Variants in ZNF350 observed in about 807,000 individuals in gnomAD.
The protein encoded by ZNF350 is zinc finger protein 350.
ZNF350 carries 5 observed loss-of-function variants against 13.1 expected under a neutral mutation model. That is an observed-to-expected ratio of 0.38 (90% confidence interval 0.20 to 0.80). The LOEUF is 0.80. Ranked by LOEUF, ZNF350 falls within the 30% of genes least tolerant of loss-of-function variation. ZNF350 has a pLI of 0.43. For synonymous variants in ZNF350, 199 were observed against 224.2 expected, an observed-to-expected ratio of 0.89 and a Z score of 1.00; for missense variants, 534 against 644.2, an observed-to-expected ratio of 0.83 and a Z score of 1.85.
intron 1 of ZNF350, among the ~76,000 whole-genome samples, chr19:51,979,237 C>T (rs980627727): frequency 2.6e-5 from 4 of 152,310 alleles, no homozygotes; most frequent in African/African-American, 9.6e-5. Flanking sequence ...ATTCCATGCT[C>T]TTGGCCATGT....
intron 1 of ZNF350, among the ~76,000 whole-genome samples, chr19:51,984,667 T>A (rs2086128428): frequency 6.6e-6 from 1 of 152,238 alleles, no homozygotes; most frequent in Non-Finnish European, 1.5e-5. Context: ...AAAACTGCTA[T>A]ATTTTACATA....
intron 2 of ZNF350, among the ~76,000 whole-genome samples, chr19:51,971,978 T>C (rs1004213103): frequency 6.6e-6 from 1 of 152,042 alleles, no homozygotes; most frequent in Non-Finnish European, 1.5e-5. Flanking sequence ...TATACATGTT[T>C]AAAAAAATTA....
intron 2 of ZNF350, among the ~76,000 whole-genome samples, chr19:51,971,798 G>A (rs1205771903): frequency 2.6e-5 from 4 of 152,034 alleles, no homozygotes; most frequent in African/African-American, 9.7e-5. Flanking sequence ...TTATTCCTGT[G>A]TTCACCCCAC....
At chr19:51,979,699 C>G (rs1014783050) in intron 1 of ZNF350, among the ~76,000 whole-genome samples, 1 of 152,204 alleles carries the variant, frequency 6.6e-6, no homozygotes, top group African/African-American at 2.4e-5. Context: ...GACCCAGTGT[C>G]TTGATCCACT....
chr19:51,972,216 C>G (rs556047570), intron 2 of ZNF350, among the ~76,000 whole-genome samples: 1 of 149,918 alleles, frequency 6.7e-6, no homozygotes, highest in Admixed American at 6.7e-5. Context: ...AATCCCAGCA[C>G]TTTGGGAGGC....
At chr19:51,968,067 A>C (rs984756228) in intron 4 of ZNF350, among the ~76,000 whole-genome samples, 1 of 152,200 alleles carries the variant, frequency 6.6e-6, no homozygotes, top group African/African-American at 2.4e-5. Context: ...GGACCTTTGG[A>C]GAACCTAAGA....
chr19:51,979,497 G>T (rs529656923), intron 1 of ZNF350, among the ~76,000 whole-genome samples: 1 of 152,156 alleles, frequency 6.6e-6, no homozygotes, highest in African/African-American at 2.4e-5. Flanking sequence ...CCACAAAGAC[G>T]TCGCTCAGCC....
chr19:51,973,167 C>T (rs902725844), intron 2 of ZNF350: 7 of 151,940 alleles, frequency 4.6e-5, no homozygotes, highest in African/African-American at 7.3e-5. Flanking sequence ...AGGATGGTCT[C>T]GATCTCCAGA....
intron 1 of ZNF350, among the ~76,000 whole-genome samples, chr19:51,985,266 TG>T (rs1282818585): frequency 2.0e-5 from 3 of 152,072 alleles, no homozygotes; most frequent in Non-Finnish European, 4.4e-5. Flanking sequence ...ATTTTACAGG[TG>T]GGTAATAAAA....
rs557997323 is a variant in ZNF350 at position 51,977,480 on chromosome 19, T to C, written c.-171-2949A>G. 1.9e-4 allele frequency among the ~76,000 whole-genome samples: 29 copies of C among 152,296 alleles called. 2 individuals are homozygous for C. Among genetic ancestry groups the C allele is most frequent in the African/African-American group, 6.5e-4 (27 of 41,556 alleles). The stretch of plus-strand genomic sequence containing the variant: ...GGACACGGAGACATTACAGAGGATA[T>C]GCTGTTAGGTCATGGCCCTTATTCA... On this transcript the variant is annotated intron_variant, in intron 1 of 4. Transcript: ENST00000243644.
chr19:51,981,132 C>T (rs2086024955), intron 1 of ZNF350: 1 of 152,216 alleles, frequency 6.6e-6, no homozygotes, highest in Non-Finnish European at 1.5e-5. Flanking sequence ...AAACTCAGGA[C>T]TGCTCCTGCC....
At chr19:51,972,371 C>T (rs975646137) in intron 2 of ZNF350, among the ~76,000 whole-genome samples, 1 of 150,676 alleles carries the variant, frequency 6.6e-6, no homozygotes, top group South Asian at 2.1e-4. Context: ...AACCCACCCC[C>T]GCCACACACA....
rs2085831541 is a variant in ZNF350, at chr19:51,974,511, T to C, written c.-151A>G. 2.1e-6 allele frequency: 2 copies of C among 956,782 alleles called. No homozygotes were observed. The highest frequency in any genetic ancestry group is 4.9e-5 in the East Asian group (2 of 41,098). The allele number at this position is 956,782 out of a possible 1,614,324, so 59.3% of individuals were successfully genotyped here. A position where few individuals can be genotyped will look rare whatever the true frequency, so the allele number is the denominator to read the frequency against. The stretch of plus-strand genomic sequence containing the variant: ...TTCCTCCCTCTTCAGGTTATGTTTT[T>C]TGCTCCTGAGGAGTCAGAACCTGTG... On this transcript the variant is annotated 5_prime_UTR_variant, in exon 2 of 5. Transcript: ENST00000243644.
chr19:51,979,913 C>T (rs1329193268), intron 1 of ZNF350, among the ~76,000 whole-genome samples: 3 of 152,198 alleles, frequency 2.0e-5, no homozygotes, highest in East Asian at 1.9e-4. Flanking sequence ...GGCTTTAGCC[C>T]ACCTCTTCCT....
intron 1 of ZNF350, among the ~76,000 whole-genome samples, chr19:51,975,511 C>A (rs2085868343): frequency 8.0e-6 from 1 of 124,522 alleles, no homozygotes; most frequent in African/African-American, 3.1e-5. Context: ...AATGTAATAA[C>A]AAGAAATTCA....
At chr19:51,980,702 A>G (rs2086012812) in intron 1 of ZNF350, among the ~76,000 whole-genome samples, 1 of 152,186 alleles carries the variant, frequency 6.6e-6, no homozygotes, top group Non-Finnish European at 1.5e-5. Context: ...GCCCATTTGC[A>G]AGGAGCTTTC....
intron 1 of ZNF350, chr19:51,980,968 T>G (rs7260510): frequency 0.083 from 12,666 of 152,206 alleles, 611 homozygotes; most frequent in South Asian, 0.24. Flanking sequence ...AATGAGAGCC[T>G]CCCAGCCCAG....
At position 51,965,997 on chromosome 19, in the gene ZNF350, C is replaced by T. The variant is rs202022866; in HGVS notation, c.456G>A (p.Lys152=). 4 of 1,614,052 alleles carry T rather than the reference C, an allele frequency of 2.5e-6. No homozygotes were observed. The Admixed American group carries it at 6.7e-5, about 27-fold the overall frequency. ...CATTTCCAGTAAACTCAACAGAGTT[C>T]TTTATTTCATAGCCTTTGCTCTGGT... is the stretch of plus-strand genomic sequence containing the variant. ...LVNQSKGYEI[K]NSVEFTGNGD... Residue 152 remains lysine (K), a synonymous_variant, in exon 5 of 5, where the codon AAG becomes AAA. Coordinates refer to ENST00000243644, the MANE Select transcript of ZNF350 (RefSeq NM_021632.4).
chr19:51,968,862 T>A, intron 3 of ZNF350, 143 bp downstream of exon 3: 1 of 1,554,266 alleles, frequency 6.4e-7, no homozygotes, highest in Non-Finnish European at 8.8e-7. Flanking sequence ...GAGGGTAGAT[T>A]ACACCGTCTT....
Sources: allele counts gnomAD v4.1 joint callset (sites outside exome capture counted in the v4.1 genomes callset), GRCh38; gene constraint gnomAD v4.1.1; transcripts MANE v1.5; gene names NCBI Gene and HGNC (gene_info 2026-07-23, HGNC 2026-07-21).